Variants in SND1 observed in about 807,000 individuals in gnomAD.
SND1 encodes staphylococcal nuclease domain-containing protein 1.
In SND1, 38 loss-of-function variants were observed where a neutral mutation model predicts 121.7. That is an observed-to-expected ratio of 0.31 (90% CI 0.24 to 0.41). SND1 has a LOEUF of 0.41. SND1 is among the 10% of genes least tolerant of loss of function. SND1 has a pLI of 1.00. For missense variants in SND1, 868 were observed against 1,184.6 expected (o/e 0.73, Z 3.92); for synonymous variants, 401 against 447.4 (o/e 0.90, Z 1.31).
At chr7:127,773,976 G>T (rs947934261) in intron 10 of SND1, among the ~76,000 whole-genome samples, 2 of 152,132 alleles carry the variant, frequency 1.3e-5, no homozygotes, top group African/African-American at 2.4e-5. Flanking sequence ...CAAGCCTACT[G>T]CACTTCCAGT....
chr7:127,729,263 A>C (rs368518279), intron 10 of SND1, among the ~76,000 whole-genome samples: 2 of 151,982 alleles, frequency 1.3e-5, no homozygotes, highest in East Asian at 3.9e-4. Flanking sequence ...TTATAGTTGC[A>C]GTTTTTACTG....
intron 6 of SND1, 75 bp from the exon 7 acceptor site, chr7:127,703,090 A>G: frequency 2.6e-6 from 4 of 1,532,544 alleles, no homozygotes; most frequent in Non-Finnish European, 3.6e-6. Context: ...GTTTTTTGGA[A>G]GGCTTAGTGT....
intron 11 of SND1, among the ~76,000 whole-genome samples, chr7:127,824,169 G>A (rs1798602692): frequency 6.6e-6 from 1 of 152,104 alleles, no homozygotes; most frequent in African/African-American, 2.4e-5. Context: ...AGTTTCCACT[G>A]ATTTTAAATA....
chr7:127,944,075 G>A (rs146797928), intron 15 of SND1, among the ~76,000 whole-genome samples: 19 of 152,312 alleles, frequency 1.2e-4, no homozygotes, highest in Non-Finnish European at 2.5e-4. Flanking sequence ...AATTAAGTGG[G>A]TTAGAAATAA....
At chr7:127,900,123 T>G (rs1343551310) in intron 13 of SND1, among the ~76,000 whole-genome samples, 4 of 152,306 alleles carry the variant, frequency 2.6e-5, no homozygotes, top group Non-Finnish European at 2.9e-5. Context: ...AAGCTCCTGC[T>G]CCCTCAGAAA....
intron 1 of SND1, among the ~76,000 whole-genome samples, chr7:127,683,013 A>G (rs972089): frequency 0.33 from 49,807 of 152,090 alleles, 9,077 homozygotes; most frequent in Admixed American, 0.42. Flanking sequence ...TTTTACCCAG[A>G]CATTTAAAGT....
Position 128,058,234 on chromosome 7 carries a change from A to G in SND1, c.1780-16268A>G, listed in dbSNP as rs538803893. 2.0e-5 allele frequency among the ~76,000 whole-genome samples: 3 copies of G among 152,392 alleles called. No homozygotes were observed. In the South Asian group the frequency reaches 6.2e-4, roughly 32 times the overall value. ...TCACTCTGTGACCTAGGTACACTCA[A>G]CATACGTTTCTATTCTCACTACATG... On this transcript the variant is annotated intron_variant, in intron 16 of 23. Coordinates refer to ENST00000354725, the MANE Select transcript of SND1 (RefSeq NM_014390.4).
At chr7:127,786,296 A>G (rs979392179) in intron 10 of SND1, among the ~76,000 whole-genome samples, 1 of 152,196 alleles carries the variant, frequency 6.6e-6, no homozygotes, top group Non-Finnish European at 1.5e-5. Context: ...AGGCTTATGC[A>G]TTGCCCTTTT....
In SND1 at chr7:127,807,343, C is replaced by G; in HGVS notation, c.1153-141C>G. On this transcript the variant is annotated intron_variant, in intron 10 of 23. Coordinates refer to ENST00000354725, the MANE Select transcript of SND1 (RefSeq NM_014390.4). The stretch of plus-strand genomic sequence containing the variant: ...AGCATTTCAACCAAATACTTTTAAT[C>G]ATTTATTATGTGTCTTAACACATTT... 8.1e-6 allele frequency: 5 copies of G among 616,836 alleles called. No individual in the cohort carries two copies. The East Asian group carries it at 1.4e-4, about 17-fold the overall frequency. The allele number at this position is 616,836 out of a possible 1,614,324, so 38.2% of individuals were successfully genotyped here.
At chr7:127,811,561 G>A (rs1338431059) in intron 11 of SND1, among the ~76,000 whole-genome samples, 1 of 151,992 alleles carries the variant, frequency 6.6e-6, no homozygotes, top group East Asian at 1.9e-4. Flanking sequence ...AGTGCACGGC[G>A]CCTACCTTGC....
rs201531475 is a variant in SND1 at position 127,807,536 on chromosome 7, C to G, written c.1205C>G (p.Ala402Gly). ...TATGACATTCCTTACATGTTTGAGG[C>G]CCGGGAATTTCTTCGAAAAAAGCTT... ...PLYDIPYMFEAREFLRKKLIG... is the reference protein window; with the variant it reads ...PLYDIPYMFEGREFLRKKLIG... The change falls in exon 11 of 24, where the codon GCC becomes GGC. Residue 402 changes from alanine (A) to glycine (G), a missense_variant. By Grantham distance (60) the Ala-to-Gly change is moderately conservative (BLOSUM62 0). Around this residue, in one of 2 missense-constraint regions of SND1, gnomAD observed 743 missense variants for 1,071.3 expected, o/e 0.69. Transcript: ENST00000354725. 754 of 1,613,926 alleles carry G rather than the reference C, an allele frequency of 4.7e-4. 11 individuals carry two copies. The South Asian group carries it at 7.7e-3, about 17-fold the overall frequency.
chr7:128,023,565 G>A (rs1195983273), intron 16 of SND1, among the ~76,000 whole-genome samples: 1 of 152,228 alleles, frequency 6.6e-6, no homozygotes, highest in African/African-American at 2.4e-5. Context: ...GACAGCTATA[G>A]TGCTGGTGTA....
chr7:127,862,757 A>G (rs978871895), intron 12 of SND1, among the ~76,000 whole-genome samples: 6 of 150,714 alleles, frequency 4.0e-5, no homozygotes, highest in African/African-American at 1.5e-4. Context: ...TTGCGGATGG[A>G]TGGGTGCTCT....
At chr7:128,020,157 T>G (rs1285979943) in intron 16 of SND1, among the ~76,000 whole-genome samples, 1 of 152,220 alleles carries the variant, frequency 6.6e-6, no homozygotes, top group Non-Finnish European at 1.5e-5. Context: ...ACACATGCCC[T>G]GAAGAGAAAG....
chr7:127,745,437 A>G (rs1366520671), intron 10 of SND1, among the ~76,000 whole-genome samples: 1 of 152,222 alleles, frequency 6.6e-6, no homozygotes, highest in Non-Finnish European at 1.5e-5. Context: ...TGGGAAAAGG[A>G]TGGAAACAAG....
intron 10 of SND1, among the ~76,000 whole-genome samples, chr7:127,766,771 C>CAAAAAAA (rs59243807): frequency 0.015 from 495 of 33,210 alleles, 70 homozygotes; most frequent in Middle Eastern, 0.071. Context: ...GACTTTGTCT[C>CAAAAAAA]AAAAAAAAAA....
intron 10 of SND1, among the ~76,000 whole-genome samples, chr7:127,777,688 G>T (rs1430316089): frequency 6.6e-6 from 1 of 152,220 alleles, no homozygotes; most frequent in Non-Finnish European, 1.5e-5. Flanking sequence ...GTTTACTGAA[G>T]AAAATCAGTT....
chr7:127,992,452 T>C (rs935345940), intron 16 of SND1, among the ~76,000 whole-genome samples: 2 of 152,242 alleles, frequency 1.3e-5, no homozygotes, highest in East Asian at 3.8e-4. Flanking sequence ...TTTTGGATAA[T>C]GAACTGCAAA....
At chr7:127,767,401 G>A (rs1797441464) in intron 10 of SND1, among the ~76,000 whole-genome samples, 1 of 152,170 alleles carries the variant, frequency 6.6e-6, no homozygotes, top group Non-Finnish European at 1.5e-5. Context: ...GAGATGTGAA[G>A]CTAGGCCCTC....
Sources: gnomAD v4.1 joint callset for allele counts (sites outside exome capture counted in the v4.1 genomes callset) on GRCh38, gnomAD v4.1.1 for gene constraint, gnomAD v4.1.1 regional missense constraint, MANE v1.5 for transcripts, NCBI Gene and HGNC (gene_info 2026-07-23, HGNC 2026-07-21) for gene names.